Variants in CFAP74 observed in about 807,000 individuals in gnomAD.
CFAP74 encodes the protein cilia- and flagella-associated protein 74.
CFAP74 carries 124 observed loss-of-function variants against 188.9 expected under a neutral mutation model. The observed-to-expected ratio is 0.66, with a 90% CI of 0.57 to 0.76. CFAP74 has a LOEUF of 0.76. CFAP74 is among the 30% of genes least tolerant of loss of function. The pLI, the probability that CFAP74 is intolerant of heterozygous loss-of-function variation, is 0.00. For missense variants in CFAP74, 2,198 were observed against 2,165.2 expected, an observed-to-expected ratio of 1.02 and a Z score of -0.30; for synonymous variants, 956 against 916.7, an observed-to-expected ratio of 1.04 and a Z score of -0.77.
chr1:2,000,224 T>A (rs972091307), intron 1 of CFAP74, among the ~76,000 whole-genome samples: 4 of 152,092 alleles, frequency 2.6e-5, no homozygotes, highest in African/African-American at 9.7e-5. Context: ...AACCCAGAAT[T>A]TTACTGTCAA....
chr1:1,958,972 G>A, intron 16 of CFAP74, 148 bp downstream of exon 16: 1 of 618,796 alleles, frequency 1.6e-6, no homozygotes, highest in Non-Finnish European at 2.9e-6. Flanking sequence ...GCTGCTGTTG[G>A]AAGAAGGGGC....
chr1:1,921,978 T>C lies in CFAP74; in HGVS notation c.*309A>G, dbSNP rs758720900. The C allele has an allele frequency of 8.6e-5, 31 of 362,264 alleles. No individual in the cohort carries two copies. The highest frequency in any genetic ancestry group is 1.4e-4 in the Non-Finnish European group (28 of 197,562). 22.4% of individuals were successfully genotyped at this position (362,264 alleles called of 1,614,324 possible). ...CATGTGTTGGCCTACAAAAAATTTA[T>C]TGACAGGCTGTGGAGGGCTCTCCTG... On this transcript the variant is annotated 3_prime_UTR_variant, in exon 39 of 39. Coordinates refer to ENST00000682832, the MANE Select transcript of CFAP74 (RefSeq NM_001304360.2).
intron 4 of CFAP74, chr1:1,988,263 G>A: frequency 1.5e-6 from 1 of 651,166 alleles, no homozygotes; most frequent in Admixed American, 2.1e-5. Flanking sequence ...TTGACAGGTG[G>A]CAACTCTGGG....
chr1:1,999,511 A>G (rs1557429181), intron 1 of CFAP74, among the ~76,000 whole-genome samples: 1 of 152,144 alleles, frequency 6.6e-6, no homozygotes, highest in Non-Finnish European at 1.5e-5. Flanking sequence ...AGTCGCCCAC[A>G]TTTCAATTAA....
intron 1 of CFAP74, among the ~76,000 whole-genome samples, chr1:1,999,834 C>T (rs1658108549): frequency 6.8e-6 from 1 of 147,244 alleles, no homozygotes; most frequent in African/African-American, 2.5e-5. Flanking sequence ...TAAACAAAAC[C>T]AAATCTTTTG....
chr1:1,927,773 G>A (rs2102032191), intron 27 of CFAP74, 27 bp from the exon 28 acceptor site: 8 of 1,544,860 alleles, frequency 5.2e-6, no homozygotes, highest in Non-Finnish European at 7.0e-6. Context: ...TGGCTGTGGG[G>A]CTGTGCAGGG....
chr1:1,977,251 G>A (rs1282389864), intron 6 of CFAP74, among the ~76,000 whole-genome samples: 1 of 152,204 alleles, frequency 6.6e-6, no homozygotes, highest in Non-Finnish European at 1.5e-5. Flanking sequence ...CAGGGGCACT[G>A]GCCTTCAGAC....
chr1:1,948,956 TA>T (rs1654001939), intron 18 of CFAP74, among the ~76,000 whole-genome samples: 4 of 10,114 alleles, frequency 4.0e-4, no homozygotes, highest in Non-Finnish European at 7.5e-4. Flanking sequence ...TTCCCTCCCT[TA>T]CTCCCTTCCT....
At chr1:1,972,889 A>G (rs755669217) in intron 8 of CFAP74, 48 bp downstream of exon 8, 86 of 1,149,820 alleles carry the variant, frequency 7.5e-5, no homozygotes, top group Non-Finnish European at 1.1e-4. Flanking sequence ...AAAGCAAGTG[A>G]CCCGTATTCT....
intron 1 of CFAP74, among the ~76,000 whole-genome samples, chr1:2,001,384 C>T (rs757414744): frequency 6.0e-4 from 91 of 151,160 alleles, no homozygotes; most frequent in Non-Finnish European, 3.8e-4. Flanking sequence ...GGCTGGAGTG[C>T]AGTGGCGCAG....
chr1:1,936,267 C>T (rs1282295487), intron 25 of CFAP74, among the ~76,000 whole-genome samples: 3 of 151,268 alleles, frequency 2.0e-5, no homozygotes, highest in East Asian at 1.9e-4. Flanking sequence ...GATCTGCGGC[C>T]GGGTGCGGTG....
chr1:1,962,425 G>GAA (rs1015640190), intron 14 of CFAP74, among the ~76,000 whole-genome samples: 1 of 145,264 alleles, frequency 6.9e-6, no homozygotes, highest in Non-Finnish European at 1.5e-5. Flanking sequence ...GCAGGGAGCC[G>GAA]AGATTGTGCC....
intron 5 of CFAP74, 147 bp from the exon 6 acceptor site, chr1:1,985,637 C>T (rs1657187240): frequency 6.1e-6 from 4 of 656,258 alleles, no homozygotes; most frequent in South Asian, 1.7e-5. Context: ...GTGGGGCTGG[C>T]GGGAGGCTCT....
chr1:1,991,764 G>A lies in CFAP74; in HGVS notation c.-19-789C>T, dbSNP rs542582483. Among the ~76,000 whole-genome samples the A allele has an allele frequency of 2.0e-5, 3 of 152,252 alleles. No homozygotes were observed. The East Asian group carries it at 5.8e-4, about 29-fold the overall frequency. On this transcript the variant is annotated intron_variant, in intron 1 of 38. Coordinates refer to ENST00000682832, the MANE Select transcript of CFAP74 (RefSeq NM_001304360.2). Reference sequence around the variant, plus strand: ...GAGTAGAATGCCTGAGATTGGCTGGGCGTGGTGGCTCACACCTGTAATCCC... The same window carrying A: ...GAGTAGAATGCCTGAGATTGGCTGGACGTGGTGGCTCACACCTGTAATCCC...
At chr1:1,922,524 G>T in intron 38 of CFAP74, 65 bp downstream of exon 38, 1 of 1,586,760 alleles carries the variant, frequency 6.3e-7, no homozygotes, top group Non-Finnish European at 8.6e-7. Flanking sequence ...ACTGGGCAGG[G>T]GTGTCAGCCC....
chr1:1,933,994 G>A (rs1444284642), intron 25 of CFAP74, among the ~76,000 whole-genome samples: 5 of 152,192 alleles, frequency 3.3e-5, no homozygotes, highest in Admixed American at 3.3e-4. Context: ...GCCTTTGGTG[G>A]TGCCCATGAG....
At chr1:1,954,165 C>T (rs996980035) in intron 18 of CFAP74, 4 of 152,248 alleles carry the variant, frequency 2.6e-5, no homozygotes, top group Non-Finnish European at 4.4e-5. Flanking sequence ...GTGGTGCAGG[C>T]CCCCCAGACA....
At chr1:1,941,262 C>T (rs545494927) in intron 22 of CFAP74, among the ~76,000 whole-genome samples, 17 of 152,368 alleles carry the variant, frequency 1.1e-4, no homozygotes, top group African/African-American at 3.6e-4. Flanking sequence ...CCTAGTCCCA[C>T]CAGGCCCGTG....
intron 1 of CFAP74, among the ~76,000 whole-genome samples, chr1:1,997,803 A>G (rs563055703): frequency 6.6e-6 from 1 of 152,266 alleles, no homozygotes; most frequent in Non-Finnish European, 1.5e-5. Flanking sequence ...CAACAAATAA[A>G]TGGCCTGGAG....
Sources: gnomAD v4.1 joint callset for allele counts (sites outside exome capture counted in the v4.1 genomes callset) on GRCh38, gnomAD v4.1.1 for gene constraint, MANE v1.5 for transcripts, NCBI Gene and HGNC (gene_info 2026-07-23, HGNC 2026-07-21) for gene names.